CASK: variants seen among roughly 807,000 people sequenced by gnomAD.
CASK encodes peripheral plasma membrane protein CASK.
CASK carries 4 observed loss-of-function variants against 82.9 expected under a neutral mutation model. That is an observed-to-expected ratio of 0.05 (90% CI 0.02 to 0.11). The LOEUF (loss-of-function observed/expected upper bound fraction) is 0.11. Among genes scored for constraint, CASK ranks in the 10% least tolerant of loss-of-function variants. CASK has a pLI of 1.00. For synonymous variants in CASK, 259 were observed against 253.5 expected (o/e 1.02, Z -0.20); for missense variants, 358 against 720.9 (o/e 0.50, Z 5.76).
intron 1 of CASK, among the ~76,000 whole-genome samples, chrX:41,921,987 C>T (rs1259414750): frequency 9.1e-6 from 1 of 110,155 alleles, no homozygotes; most frequent in Non-Finnish European, 1.9e-5. Flanking sequence ...CCGCAGAATA[C>T]ACGCTGTGTT....
chrX:41,612,870 G>A (rs1393901866), intron 11 of CASK, among the ~76,000 whole-genome samples: 2 of 91,576 alleles, frequency 2.2e-5, no homozygotes, highest in Admixed American at 1.1e-4. Context: ...CGCCCCGTCC[G>A]GGAGGGAGGT....
intron 22 of CASK, among the ~76,000 whole-genome samples, chrX:41,539,681 C>A (rs923251597): frequency 8.9e-6 from 1 of 112,209 alleles, no homozygotes; most frequent in Non-Finnish European, 1.9e-5. Flanking sequence ...TTGGGATGAC[C>A]TTTCATCGTA....
In CASK at chrX:41,777,231, C is replaced by T. The variant is rs187911430; in HGVS notation, c.278+9947G>A. 2.4e-4 allele frequency among the ~76,000 whole-genome samples: 27 copies of T among 111,544 alleles called. 1 individual carries two copies. The highest frequency in any genetic ancestry group is 8.4e-4 in the African/African-American group (26 of 30,777). On this transcript the variant is annotated intron_variant, in intron 3 of 26. Coordinates refer to ENST00000378163, the MANE Select transcript of CASK (RefSeq NM_001367721.1). ...TTTAGGCCAGGCGTGGTGGCTCATGCCCGTAATCCCAGCACTTTAGGAGGC... is the reference window on the plus strand; with the variant it reads ...TTTAGGCCAGGCGTGGTGGCTCATGTCCGTAATCCCAGCACTTTAGGAGGC...
At chrX:41,642,205 G>T (rs997472445) in intron 8 of CASK, among the ~76,000 whole-genome samples, 12 of 111,470 alleles carry the variant, frequency 1.1e-4, no homozygotes, top group South Asian at 3.8e-4. Flanking sequence ...GTAATAAACA[G>T]ACGTGTGCAT....
In CASK at chrX:41,806,587, A is replaced by G. The variant is rs772479282; in HGVS notation, c.173-19304T>C. The stretch of plus-strand genomic sequence containing the variant: ...CCGTGACAGATGACACACACAGTAG[A>G]CAATAAATGTTTATCAAATGAGATT... On this transcript the variant is annotated intron_variant, in intron 2 of 26. Transcript: ENST00000378163. Among the ~76,000 whole-genome samples, 4 of 112,532 alleles carry G rather than the reference A, an allele frequency of 3.6e-5. No homozygotes were observed. The East Asian group carries it at 1.1e-3, about 31-fold the overall frequency.
intron 2 of CASK, among the ~76,000 whole-genome samples, chrX:41,797,409 T>C (rs2069882650): frequency 9.1e-6 from 1 of 110,479 alleles, no homozygotes; most frequent in South Asian, 3.8e-4. Flanking sequence ...AGGCATACCC[T>C]GCTGCAATCT....
chrX:41,552,356 G>A (rs2065112263), intron 21 of CASK, among the ~76,000 whole-genome samples: 1 of 110,612 alleles, frequency 9.0e-6, no homozygotes, highest in African/African-American at 3.3e-5. Context: ...CACCATTACA[G>A]GAAATAGGAA....
chrX:41,878,724 A>T (rs72626427), intron 1 of CASK, among the ~76,000 whole-genome samples: 2 of 110,759 alleles, frequency 1.8e-5, no homozygotes, highest in East Asian at 5.7e-4. Flanking sequence ...TCTAAGAATG[A>T]TACAATGGAC....
At chrX:41,784,334 C>T (rs1408125717) in intron 3 of CASK, among the ~76,000 whole-genome samples, 1 of 112,161 alleles carries the variant, frequency 8.9e-6, no homozygotes, top group Non-Finnish European at 1.9e-5. Context: ...TTACTTTATC[C>T]AGGCAATATA....
chrX:41,718,485 C>T (rs2068102277), intron 5 of CASK, among the ~76,000 whole-genome samples: 1 of 111,586 alleles, frequency 9.0e-6, no homozygotes, highest in Non-Finnish European at 1.9e-5. Flanking sequence ...GACGCTATCT[C>T]CAGGTAGATA....
rs1026095202 is a variant in CASK at position 41,571,737 on chromosome X, G to A, written c.1504-1991C>T. Among the ~76,000 whole-genome samples the A allele has an allele frequency of 2.7e-5, 3 of 111,763 alleles. No individual in the cohort carries two copies. In the Admixed American group the frequency reaches 2.9e-4, roughly 11 times the overall value. ...TGTCCTAGTTACTTTTAAGGTATAA[G>A]CTGAAGTCATTGATTTGAGATGTTT... On this transcript the variant is annotated intron_variant, in intron 15 of 26. Coordinates refer to ENST00000378163, the MANE Select transcript of CASK (RefSeq NM_001367721.1).
chrX:41,526,631 T>G (rs751851429), intron 25 of CASK, among the ~76,000 whole-genome samples: 1 of 112,035 alleles, frequency 8.9e-6, no homozygotes, highest in African/African-American at 3.2e-5. Context: ...TTCCTCACAT[T>G]GCCAAATGCC....
chrX:41,749,719 C>A (rs1378825750), intron 3 of CASK, among the ~76,000 whole-genome samples: 1 of 110,313 alleles, frequency 9.1e-6, no homozygotes, highest in African/African-American at 3.3e-5. Flanking sequence ...TTTTTTCTTC[C>A]CAGTTGACTT....
chrX:41,733,804 T>C (rs1001751055), intron 5 of CASK, among the ~76,000 whole-genome samples: 1 of 111,603 alleles, frequency 9.0e-6, no homozygotes, highest in Non-Finnish European at 1.9e-5. Flanking sequence ...TTTTGTTTTA[T>C]GAGAATTTAA....
chrX:41,524,318 G>T (rs1952853044), intron 25 of CASK: 3 of 283,578 alleles, frequency 1.1e-5, no homozygotes, highest in African/African-American at 8.2e-5. Flanking sequence ...CACTGATTAT[G>T]TTGGTTAATG....
At chrX:41,622,786 T>C in intron 10 of CASK, 152 bp from the exon 11 acceptor site, 1 of 359,155 alleles carries the variant, frequency 2.8e-6, no homozygotes, top group Non-Finnish European at 4.9e-6. Flanking sequence ...ATGAGTACAA[T>C]CACTGGAACT....
chrX:41,622,685 C>G (rs773500692), intron 10 of CASK, 51 bp from the exon 11 acceptor site: 9 of 1,099,833 alleles, frequency 8.2e-6, no homozygotes, highest in Non-Finnish European at 1.1e-5. Context: ...GATTTTAGAA[C>G]AAGCAGGTTA....
chrX:41,785,552 T>C (rs2069578923), intron 3 of CASK, among the ~76,000 whole-genome samples: 1 of 112,333 alleles, frequency 8.9e-6, no homozygotes, highest in Non-Finnish European at 1.9e-5. Flanking sequence ...AACTAAAATG[T>C]TTACATCTTT....
chrX:41,604,582 T>C (rs2065934327), intron 12 of CASK, among the ~76,000 whole-genome samples: 1 of 110,316 alleles, frequency 9.1e-6, no homozygotes, highest in African/African-American at 3.3e-5. Flanking sequence ...CCTCCAGAAC[T>C]ATGAGACAAT....
Sources: gnomAD v4.1 joint callset for allele counts (sites outside exome capture counted in the v4.1 genomes callset) on GRCh38, gnomAD v4.1.1 for gene constraint, MANE v1.5 for transcripts, NCBI Gene and HGNC (gene_info 2026-07-23, HGNC 2026-07-21) for gene names.